Variants in RIMS2 observed in about 807,000 individuals in gnomAD.
RIMS2 encodes regulating synaptic membrane exocytosis protein 2.
RIMS2 carries 59 observed loss-of-function variants against 174.4 expected under a neutral mutation model. The observed-to-expected ratio is 0.34, with a 90% CI of 0.27 to 0.42. RIMS2 has a LOEUF of 0.42. Among genes scored for constraint, RIMS2 ranks in the 10% least tolerant of loss-of-function variants. The pLI is 1.00. For missense variants in RIMS2, 1,620 were observed against 1,666.3 expected, an observed-to-expected ratio of 0.97 and a Z score of 0.48; for synonymous variants, 606 against 572.5, an observed-to-expected ratio of 1.06 and a Z score of -0.84.
At chr8:103,624,029 A>T (rs2095712673) in intron 1 of RIMS2, among the ~76,000 whole-genome samples, 2 of 152,210 alleles carry the variant, frequency 1.3e-5, no homozygotes, top group South Asian at 2.1e-4. Context: ...CTCACTTCTA[A>T]GGACCTCTCT....
chr8:103,862,549 C>A (rs1395210595), intron 3 of RIMS2, among the ~76,000 whole-genome samples: 2 of 151,794 alleles, frequency 1.3e-5, no homozygotes, highest in South Asian at 2.1e-4. Flanking sequence ...GAGTCTGTAG[C>A]TTAATTTGGG....
At chr8:103,870,102 G>A (rs2099103182) in intron 3 of RIMS2, among the ~76,000 whole-genome samples, 2 of 149,908 alleles carry the variant, frequency 1.3e-5, no homozygotes, top group Non-Finnish European at 3.0e-5. Flanking sequence ...TAGCAACTAG[G>A]TCAGCTAACA....
At chr8:103,773,687 G>A (rs1033558264) in intron 3 of RIMS2, among the ~76,000 whole-genome samples, 4 of 151,940 alleles carry the variant, frequency 2.6e-5, no homozygotes, top group Non-Finnish European at 1.5e-5. Flanking sequence ...CTGAGATGGC[G>A]CCATTGCACT....
At chr8:103,521,761 C>G (rs1409465921) in intron 1 of RIMS2, among the ~76,000 whole-genome samples, 1 of 151,550 alleles carries the variant, frequency 6.6e-6, no homozygotes, top group African/African-American at 2.4e-5. Context: ...GCATTAGTAG[C>G]ATTTCTCTGG....
chr8:103,614,126 T>C (rs1245334553), intron 1 of RIMS2, among the ~76,000 whole-genome samples: 1 of 152,234 alleles, frequency 6.6e-6, no homozygotes, highest in Non-Finnish European at 1.5e-5. Flanking sequence ...TTGCAGTCCT[T>C]GTGTCCTAGA....
intron 19 of RIMS2, among the ~76,000 whole-genome samples, chr8:104,204,047 CT>C (rs926119269): frequency 3.9e-5 from 6 of 152,170 alleles, no homozygotes; most frequent in Non-Finnish European, 8.8e-5. Context: ...TGCAGAAGAA[CT>C]CTCTGCCCGC....
Position 104,251,173 on chromosome 8 carries a change from T to C in RIMS2, c.3831+10T>C. On this transcript the variant is annotated intron_variant, in intron 23 of 23. Coordinates refer to ENST00000504942, the Ensembl canonical transcript of RIMS2. The stretch of plus-strand genomic sequence containing the variant: ...AGGAAAAGTTTTACAGGTATCTACT[T>C]AATTGTTTATCCCTTACCTAAGAAA... The C allele has an allele frequency of 6.2e-7, 1 of 1,601,374 alleles. No individual in the cohort carries two copies.
chr8:103,617,032 A>T (rs1466760906), intron 1 of RIMS2, among the ~76,000 whole-genome samples: 1 of 152,208 alleles, frequency 6.6e-6, no homozygotes, highest in Non-Finnish European at 1.5e-5. Flanking sequence ...TTTAAAATTC[A>T]TGTGGAACCA....
chr8:103,748,602 A>G (rs768249872), intron 2 of RIMS2, among the ~76,000 whole-genome samples: 4 of 152,122 alleles, frequency 2.6e-5, no homozygotes. Flanking sequence ...CATATCACCA[A>G]ATTTCATTAC....
At chr8:103,509,001 G>A (rs1825141902) in intron 1 of RIMS2, among the ~76,000 whole-genome samples, 1 of 152,030 alleles carries the variant, frequency 6.6e-6, no homozygotes, top group South Asian at 2.1e-4. Flanking sequence ...TCTGGTCCTA[G>A]GACCAGTGTT....
chr8:103,815,807 GTTTACTTCCAAACACTGTATAC>G (rs1438584831), intron 3 of RIMS2, among the ~76,000 whole-genome samples: 6 of 152,092 alleles, frequency 3.9e-5, no homozygotes, highest in Admixed American at 2.6e-4. Flanking sequence ...TTCATACTGA[GTTTACTTCCAAACACTGTATAC>G]TTTATAATTT....
rs183800150 is a variant in RIMS2 at position 104,207,082 on chromosome 8, A to G, written c.3335-37834A>G. On this transcript the variant is annotated intron_variant, in intron 19 of 23. Coordinates refer to ENST00000504942, the Ensembl canonical transcript of RIMS2. The stretch of plus-strand genomic sequence containing the variant: ...ATCTAGTTAATGAGAGACTAGGATT[A>G]AAAAAAAACAGGCTTCTTTTTTTAC... 2.0e-3 allele frequency among the ~76,000 whole-genome samples: 298 copies of G among 151,628 alleles called. 2 individuals are homozygous for G. Among genetic ancestry groups the G allele is most frequent in the African/African-American group, 7.1e-3 (293 of 41,382 alleles).
chr8:103,526,489 T>C (rs1428767567), intron 1 of RIMS2, among the ~76,000 whole-genome samples: 2 of 152,126 alleles, frequency 1.3e-5, no homozygotes, highest in African/African-American at 2.4e-5. Flanking sequence ...CAATAGACCA[T>C]AGTAATAGAC....
At chr8:103,671,225 C>T (rs956097704) in intron 1 of RIMS2, among the ~76,000 whole-genome samples, 10 of 152,152 alleles carry the variant, frequency 6.6e-5, no homozygotes, top group South Asian at 2.1e-4. Flanking sequence ...TATCTCCCAC[C>T]GAGTGCCTCC....
chr8:103,598,942 G>T (rs1456480507), intron 1 of RIMS2, among the ~76,000 whole-genome samples: 1 of 151,760 alleles, frequency 6.6e-6, no homozygotes, highest in Non-Finnish European at 1.5e-5. Context: ...TGTTACCATT[G>T]ATGTATCTGT....
At chr8:103,766,256 A>T (rs1362296269) in exon 3 of RIMS2, 8 of 1,612,872 alleles carry the variant, frequency 5.0e-6, no homozygotes, top group Non-Finnish European at 6.8e-6. Flanking sequence ...TGTGCCGAAA[A>T]CAACAAGAAA....
intron 19 of RIMS2, among the ~76,000 whole-genome samples, chr8:104,089,827 ATG>A (rs1174860519): frequency 6.6e-6 from 1 of 151,756 alleles, no homozygotes; most frequent in African/African-American, 2.4e-5. Flanking sequence ...GCATATTATT[ATG>A]TATTTTGAAT....
At chr8:103,798,436 A>G (rs2098572196) in intron 3 of RIMS2, among the ~76,000 whole-genome samples, 1 of 152,152 alleles carries the variant, frequency 6.6e-6, no homozygotes, top group Non-Finnish European at 1.5e-5. Flanking sequence ...ATAGCATGAC[A>G]GCAAGTTTGT....
intron 3 of RIMS2, among the ~76,000 whole-genome samples, chr8:103,790,291 C>G (rs2098484812): frequency 6.6e-6 from 1 of 152,202 alleles, no homozygotes; most frequent in Non-Finnish European, 1.5e-5. Context: ...CTGGCAACCA[C>G]TAATCTACTT....
Sources: gnomAD v4.1 joint callset for allele counts (sites outside exome capture counted in the v4.1 genomes callset) on GRCh38, gnomAD v4.1.1 for gene constraint, MANE v1.5 for transcripts, NCBI Gene and HGNC (gene_info 2026-07-23, HGNC 2026-07-21) for gene names.